Variants in PDE4B observed in about 807,000 individuals in gnomAD.
PDE4B encodes the protein 3',5'-cyclic-AMP phosphodiesterase 4B.
A neutral mutation model predicts 82.2 loss-of-function variants in PDE4B; 20 were observed. The observed-to-expected ratio is 0.24, with a 90% CI of 0.17 to 0.35. The LOEUF (loss-of-function observed/expected upper bound fraction) is 0.35, where lower values mean the gene tolerates loss of function less well. Among genes scored for constraint, PDE4B ranks in the 10% least tolerant of loss-of-function variants. The probability of loss-of-function intolerance (pLI) is 1.00; values close to 1 mark genes in which losing one functional copy is unlikely to be tolerated. For missense variants in PDE4B, 655 were observed against 907.2 expected (o/e 0.72, Z 3.57); for synonymous variants, 320 against 318.9 (o/e 1.00, Z -0.04).
At chr1:65,935,573 C>T (rs1456302484) in intron 3 of PDE4B, among the ~76,000 whole-genome samples, 1 of 152,112 alleles carries the variant, frequency 6.6e-6, no homozygotes, top group Non-Finnish European at 1.5e-5. Flanking sequence ...TTAATCTGAG[C>T]TTACTGTAAC....
chr1:65,899,778 G>T (rs1371959853), intron 1 of PDE4B, among the ~76,000 whole-genome samples: 1 of 151,702 alleles, frequency 6.6e-6, no homozygotes, highest in East Asian at 1.9e-4. Flanking sequence ...AGTAACTCAG[G>T]AATGGAAAAC....
At chr1:66,188,324 G>A (rs1379350854) in intron 3 of PDE4B, among the ~76,000 whole-genome samples, 1 of 150,810 alleles carries the variant, frequency 6.6e-6, no homozygotes, top group Non-Finnish European at 1.5e-5. Flanking sequence ...GATTTGGGGT[G>A]GAGAGTTCTG....
intron 1 of PDE4B, among the ~76,000 whole-genome samples, chr1:65,854,559 TCCA>T (rs1646370964): frequency 1.3e-5 from 2 of 152,020 alleles, no homozygotes; most frequent in East Asian, 1.9e-4. Flanking sequence ...AAGTCATGGC[TCCA>T]ATGACTGCTG....
intron 3 of PDE4B, chr1:66,094,458 T>G (rs1485254272): frequency 6.6e-6 from 1 of 152,016 alleles, no homozygotes; most frequent in Non-Finnish European, 1.5e-5. Context: ...CTTTTCTGCA[T>G]TAAGATTTAG....
intron 3 of PDE4B, among the ~76,000 whole-genome samples, chr1:66,050,127 G>T (rs1487824812): frequency 6.6e-6 from 1 of 152,002 alleles, no homozygotes; most frequent in Admixed American, 6.6e-5. Context: ...AAGAATACAG[G>T]ATATACACTG....
Position 66,247,603 on chromosome 1 carries a change from A to G in PDE4B, c.425A>G (p.Tyr142Cys), listed in dbSNP as rs1285047412. ...TTTCTCTACAGATCAGACAGCGACTATGACTTGTCACCAAAGGCGATGTCG... is the reference window on the plus strand; with the variant it reads ...TTTCTCTACAGATCAGACAGCGACTGTGACTTGTCACCAAAGGCGATGTCG... ...ESFLYRSDSD[Y>C]DLSPKAMSRN... Residue 142 changes from tyrosine to cysteine, a missense_variant, in exon 4 of 17, where the codon TAT (tyrosine) becomes TGT (cysteine). Coordinates refer to ENST00000341517, the MANE Select transcript of PDE4B (RefSeq NM_002600.4). 1.2e-6 allele frequency: 2 copies of G among 1,605,950 alleles called. No individual in the cohort carries two copies. Among genetic ancestry groups the G allele is most frequent in the Admixed American group, 1.7e-5 (1 of 58,512 alleles).
At chr1:65,855,964 C>T (rs1456485789) in intron 1 of PDE4B, among the ~76,000 whole-genome samples, 1 of 152,006 alleles carries the variant, frequency 6.6e-6, no homozygotes, top group Non-Finnish European at 1.5e-5. Flanking sequence ...TATCTTTTCC[C>T]AGTTTTCTTT....
intron 3 of PDE4B, among the ~76,000 whole-genome samples, chr1:66,187,161 C>G (rs1258765081): frequency 6.6e-6 from 1 of 152,082 alleles, no homozygotes; most frequent in South Asian, 2.1e-4. Context: ...GTTGAACCAG[C>G]CTTGCATCCC....
intron 3 of PDE4B, among the ~76,000 whole-genome samples, chr1:66,028,036 CTG>C (rs1276781517): frequency 3.9e-5 from 6 of 152,238 alleles, no homozygotes; most frequent in Admixed American, 6.5e-5. Context: ...AGTAGGGACT[CTG>C]TGTGGGGGCT....
chr1:66,265,219 G>A (rs1654947611), intron 6 of PDE4B, among the ~76,000 whole-genome samples: 1 of 152,190 alleles, frequency 6.6e-6, no homozygotes, highest in Non-Finnish European at 1.5e-5. Context: ...ACTTCCAGGT[G>A]ATTCTGATGC....
At chr1:66,269,632 C>T (rs986017815) in intron 7 of PDE4B, among the ~76,000 whole-genome samples, 1 of 152,184 alleles carries the variant, frequency 6.6e-6, no homozygotes, top group Non-Finnish European at 1.5e-5. Context: ...AAACTATTTG[C>T]AACAGGAAAA....
In PDE4B at chr1:66,291,354, C is replaced by G. The variant is rs1421159067; in HGVS notation, c.634+25267C>G. Among the ~76,000 whole-genome samples the G allele has an allele frequency of 2.0e-5, 3 of 152,156 alleles. No individual in the cohort carries two copies. In the East Asian group the frequency reaches 5.8e-4, roughly 29 times the overall value. The stretch of plus-strand genomic sequence containing the variant: ...GCAGTCTGACTCTAGATACTAGGCT[C>G]TTTTAACAAGTACAGTATAATGGCA... On this transcript the variant is annotated intron_variant, in intron 7 of 16. Transcript: ENST00000341517.
chr1:65,979,157 C>T (rs1358953240), intron 3 of PDE4B, among the ~76,000 whole-genome samples: 1 of 152,172 alleles, frequency 6.6e-6, no homozygotes, highest in Non-Finnish European at 1.5e-5. Context: ...AGAAGTGATT[C>T]ACAGATTCTG....
chr1:65,855,766 G>T (rs766056455), intron 1 of PDE4B, among the ~76,000 whole-genome samples: 3 of 152,022 alleles, frequency 2.0e-5, no homozygotes, highest in Non-Finnish European at 4.4e-5. Flanking sequence ...CTTGAAATCT[G>T]ATCTTTGCGT....
chr1:66,172,979 CAGAT>C (rs1394748786), intron 3 of PDE4B, among the ~76,000 whole-genome samples: 2 of 152,126 alleles, frequency 1.3e-5, no homozygotes, highest in Non-Finnish European at 2.9e-5. Flanking sequence ...GTATAATTAT[CAGAT>C]AGAGTGAACC....
intron 7 of PDE4B, among the ~76,000 whole-genome samples, chr1:66,317,580 A>T (rs557279882): frequency 8.0e-5 from 12 of 150,910 alleles, no homozygotes; most frequent in South Asian, 4.2e-4. Flanking sequence ...TTTTTTTTTT[A>T]AATTTCTTTT....
chr1:65,841,537 G>T (rs1025731112), intron 1 of PDE4B, among the ~76,000 whole-genome samples: 2 of 152,038 alleles, frequency 1.3e-5, no homozygotes, highest in Non-Finnish European at 2.9e-5. Context: ...TTTAACATGA[G>T]GGCCAAAAAC....
At chr1:66,103,243 C>G (rs376041576) in intron 3 of PDE4B, among the ~76,000 whole-genome samples, 1 of 151,428 alleles carries the variant, frequency 6.6e-6, no homozygotes, top group African/African-American at 2.4e-5. Flanking sequence ...TCCTGCCTCA[C>G]GCAAATTTAT....
At chr1:66,046,380 C>T (rs1357898024) in intron 3 of PDE4B, 1 of 151,790 alleles carries the variant, frequency 6.6e-6, no homozygotes, top group Non-Finnish European at 1.5e-5. Context: ...ACAAACCTCA[C>T]AAAATTGAGA....
Sources: gnomAD v4.1 joint callset for allele counts (sites outside exome capture counted in the v4.1 genomes callset) on GRCh38, gnomAD v4.1.1 for gene constraint, MANE v1.5 for transcripts, NCBI Gene and HGNC (gene_info 2026-07-23, HGNC 2026-07-21) for gene names.